FAM167A: variants seen among roughly 807,000 people sequenced by gnomAD.
FAM167A encodes the protein family with sequence similarity 167 member A, also known as protein FAM167A.
FAM167A carries 23 observed loss-of-function variants against 14.9 expected under a neutral mutation model. That is an observed-to-expected ratio of 1.55 (90% CI 1.11 to 2.19). The LOEUF is 2.19. FAM167A is among the 30% of genes most tolerant of loss of function. FAM167A has a pLI of 0.00. For synonymous variants in FAM167A, 174 were observed against 117.7 expected, an observed-to-expected ratio of 1.48 and a Z score of -3.10; for missense variants, 401 against 281.5, an observed-to-expected ratio of 1.42 and a Z score of -3.04.
intron 1 of FAM167A, among the ~76,000 whole-genome samples, chr8:11,456,645 C>G (rs1807325185): frequency 6.6e-6 from 1 of 151,574 alleles, no homozygotes; most frequent in South Asian, 2.1e-4. Flanking sequence ...GGTGGTTGCT[C>G]TATTGGGTGT....
intron 1 of FAM167A, among the ~76,000 whole-genome samples, chr8:11,457,127 CGGGGCTGGGTTAGGGGTGTGGGT>C (rs1807360835): frequency 1.7e-4 from 2 of 12,108 alleles, no homozygotes; most frequent in Admixed American, 9.6e-4. Context: ...GGGAAGTGGG[CGGGGCTGGGTTAGGGGTGTGGGT>C]GGGATCAGGG....
intron 1 of FAM167A, among the ~76,000 whole-genome samples, chr8:11,466,129 C>G (rs991991371): frequency 1.3e-5 from 2 of 152,170 alleles, no homozygotes; most frequent in African/African-American, 4.8e-5. Flanking sequence ...TCAGGTCACA[C>G]TGGCTTGGGT....
chr8:11,460,955 G>A (rs1011112801), intron 1 of FAM167A, among the ~76,000 whole-genome samples: 1 of 152,236 alleles, frequency 6.6e-6, no homozygotes, highest in African/African-American at 2.4e-5. Context: ...ATGGGCTCAG[G>A]CTGCTTCAAG....
intron 2 of FAM167A, among the ~76,000 whole-genome samples, chr8:11,433,356 T>C (rs548721182): frequency 6.6e-6 from 1 of 152,266 alleles, no homozygotes; most frequent in South Asian, 2.1e-4. Context: ...TCCTCCCCTT[T>C]CCAACAAAAG....
At chr8:11,438,712 G>C (rs895727252) in intron 2 of FAM167A, 1 of 367,502 alleles carries the variant, frequency 2.7e-6, no homozygotes. Flanking sequence ...CCACGAGGCC[G>C]TATCTGCCCA....
At chr8:11,456,386 G>A (rs1563387417) in intron 1 of FAM167A, among the ~76,000 whole-genome samples, 180 of 9,094 alleles carry the variant, frequency 0.02, 4 homozygotes, top group African/African-American at 0.056. Context: ...TGCCCTGCCT[G>A]GTGTGTGTGT....
chr8:11,436,365 C>T (rs907395631), intron 2 of FAM167A, among the ~76,000 whole-genome samples: 1 of 152,244 alleles, frequency 6.6e-6, no homozygotes, highest in Non-Finnish European at 1.5e-5. Flanking sequence ...GGCCAAGCAG[C>T]CAGTCCCAGG....
At chr8:11,446,536 ACT>A (rs1402973651) in intron 1 of FAM167A, 1 of 152,178 alleles carries the variant, frequency 6.6e-6, no homozygotes. Context: ...GTGGAGAACC[ACT>A]GTCTCCAGAT....
In FAM167A at chr8:11,460,950, CT is replaced by C. The variant is rs374191447; in HGVS notation, c.-398+5675del. ...GGGTCCATGCTGAATAATTGATGGG[CT>C]CAGGCTGCTTCAAGCTGACGCACAG... On this transcript the variant is annotated intron_variant, in intron 1 of 2. Transcript: ENST00000284486. Among the ~76,000 whole-genome samples, 643 of 152,352 alleles carry C rather than the reference CT, an allele frequency of 4.2e-3. 2 individuals are homozygous for C. Among genetic ancestry groups the C allele is most frequent in the African/African-American group, 0.015 (616 of 41,578 alleles).
chr8:11,465,310 G>C (rs1807717096), intron 1 of FAM167A, among the ~76,000 whole-genome samples: 1 of 152,140 alleles, frequency 6.6e-6, no homozygotes, highest in South Asian at 2.1e-4. Context: ...CTTCGTCTGA[G>C]AGCACTGTCC....
At chr8:11,460,578 G>A (rs1471171514) in intron 1 of FAM167A, among the ~76,000 whole-genome samples, 1 of 152,262 alleles carries the variant, frequency 6.6e-6, no homozygotes, top group African/African-American at 2.4e-5. Context: ...TTCAGCTCAG[G>A]ATAGAAGCTT....
At chr8:11,458,915 G>A (rs909528253) in intron 1 of FAM167A, among the ~76,000 whole-genome samples, 2 of 152,256 alleles carry the variant, frequency 1.3e-5, no homozygotes, top group Non-Finnish European at 1.5e-5. Context: ...ATCAAGAGAG[G>A]CTGGAACGGC....
chr8:11,436,284 C>G (rs1030147606), intron 2 of FAM167A, among the ~76,000 whole-genome samples: 1 of 152,206 alleles, frequency 6.6e-6, no homozygotes, highest in Non-Finnish European at 1.5e-5. Flanking sequence ...GGGCCAGGCC[C>G]GCCACTAGGG....
intron 2 of FAM167A, among the ~76,000 whole-genome samples, chr8:11,440,828 G>T (rs1253281458): frequency 6.6e-6 from 1 of 152,206 alleles, no homozygotes; most frequent in South Asian, 2.1e-4. Context: ...GACAGAAAAG[G>T]TTATGCAAAT....
At chr8:11,426,568 C>T (rs375741269) in intron 2 of FAM167A, among the ~76,000 whole-genome samples, 32 of 152,216 alleles carry the variant, frequency 2.1e-4, no homozygotes, top group Admixed American at 1.5e-3. Context: ...TTTATTTTGC[C>T]GACGTTAAGG....
At chr8:11,473,663 T>A (rs569581816) in intron 1 of FAM167A, among the ~76,000 whole-genome samples, 2 of 152,320 alleles carry the variant, frequency 1.3e-5, no homozygotes, top group African/African-American at 4.8e-5. Flanking sequence ...TCTCTGGGTC[T>A]GCCCCTTGCT....
upstream of FAM167A, among the ~76,000 whole-genome samples, chr8:11,469,881 A>T (rs1585288789): frequency 8.2e-6 from 1 of 122,512 alleles, no homozygotes; most frequent in Non-Finnish European, 1.9e-5. Context: ...CCCTGTCTCA[A>T]AAATAAATAA....
chr8:11,424,116 T>A lies in FAM167A; in HGVS notation c.*257A>T. On this transcript the variant is annotated 3_prime_UTR_variant, in exon 3 of 3. Transcript: ENST00000284486. ...TTATGGTGGGAACCCAGGTCTCCTT[T>A]AACATCTTGGTTGGAGCGGCCCTTC... 1 of 484,742 alleles carries A rather than the reference T, an allele frequency of 2.1e-6. No individual in the cohort carries two copies. The highest frequency in any genetic ancestry group is 3.7e-6 in the Non-Finnish European group (1 of 268,606). 30.0% of individuals were successfully genotyped at this position (484,742 alleles called of 1,614,324 possible).
chr8:11,434,871 C>T (rs1272571293), intron 2 of FAM167A: 1 of 371,472 alleles, frequency 2.7e-6, no homozygotes, highest in Non-Finnish European at 5.4e-6. Flanking sequence ...GCTGTACACC[C>T]AAGGAAGACA....
Sources: gnomAD v4.1 joint callset for allele counts (sites outside exome capture counted in the v4.1 genomes callset) on GRCh38, gnomAD v4.1.1 for gene constraint, MANE v1.5 for transcripts, NCBI Gene and HGNC (gene_info 2026-07-23, HGNC 2026-07-21) for gene names.